The following CFAP299 variants were observed in gnomAD, a reference collection of about 807,000 sequenced individuals.
CFAP299 encodes the protein cilia and flagella associated protein 299, also known as cilia- and flagella-associated protein 299.
Under a neutral mutation model 27.0 loss-of-function variants are expected in CFAP299, and 21 were observed. That is an observed-to-expected ratio of 0.78 (90% CI 0.55 to 1.12). The LOEUF is 1.12. CFAP299 is among the 50% of genes most tolerant of loss of function. The pLI, the probability that CFAP299 is intolerant of heterozygous loss-of-function variation, is 0.00. For missense variants in CFAP299, 310 were observed against 276.6 expected, an observed-to-expected ratio of 1.12 and a Z score of -0.86; for synonymous variants, 104 against 98.1, an observed-to-expected ratio of 1.06 and a Z score of -0.36.
intron 3 of CFAP299, among the ~76,000 whole-genome samples, chr4:80,861,676 C>T (rs34960359): frequency 0.13 from 19,189 of 152,026 alleles, 1,394 homozygotes; most frequent in Middle Eastern, 0.25. Context: ...TTTTGTTCAA[C>T]GATGTAGTCT....
chr4:80,612,006 C>A (rs145529734), intron 3 of CFAP299, among the ~76,000 whole-genome samples: 4 of 151,982 alleles, frequency 2.6e-5, no homozygotes, highest in Non-Finnish European at 5.9e-5. Context: ...ATTCACAAAT[C>A]GTCGATGATG....
At chr4:80,824,371 G>C (rs1352984359) in intron 3 of CFAP299, among the ~76,000 whole-genome samples, 1 of 152,126 alleles carries the variant, frequency 6.6e-6, no homozygotes, top group Admixed American at 6.6e-5. Context: ...AGCAGCTAGA[G>C]TGGGCAAAAA....
chr4:80,447,119 G>GTTTTTTTTTTTTTGTT (rs71641487), intron 2 of CFAP299, among the ~76,000 whole-genome samples: 3 of 65,506 alleles, frequency 4.6e-5, no homozygotes, highest in African/African-American at 1.4e-4. Context: ...CTTTTTATTT[G>GTTTTTTTTTTTTTGTT]TTTTTTTTTT....
At chr4:80,940,109 T>G (rs1391855841) in intron 4 of CFAP299, among the ~76,000 whole-genome samples, 2 of 152,066 alleles carry the variant, frequency 1.3e-5, no homozygotes, top group Non-Finnish European at 2.9e-5. Context: ...TATTAGCCAG[T>G]AAGGGACACT....
At chr4:80,753,509 T>C (rs188211552) in intron 3 of CFAP299, among the ~76,000 whole-genome samples, 27 of 152,266 alleles carry the variant, frequency 1.8e-4, no homozygotes, top group African/African-American at 6.3e-4. Flanking sequence ...GTGCTCTGAG[T>C]TTCTTTGTGA....
At chr4:80,591,960 T>A (rs765413743) in intron 3 of CFAP299, among the ~76,000 whole-genome samples, 6 of 152,238 alleles carry the variant, frequency 3.9e-5, no homozygotes, top group African/African-American at 1.4e-4. Context: ...TTTTTACTAA[T>A]TCCATCCAGA....
intron 2 of CFAP299, among the ~76,000 whole-genome samples, chr4:80,568,169 T>C (rs759259055): frequency 2.1e-4 from 32 of 151,888 alleles, no homozygotes; most frequent in Non-Finnish European, 4.1e-4. Flanking sequence ...TCTGATCAAT[T>C]AATATTATAC....
intron 2 of CFAP299, among the ~76,000 whole-genome samples, chr4:80,564,044 TCTC>T (rs1348388504): frequency 2.6e-5 from 4 of 151,840 alleles, no homozygotes; most frequent in Non-Finnish European, 5.9e-5. Context: ...TAATAAAAAA[TCTC>T]CTAGTAAAGA....
At chr4:80,586,535 C>T (rs7688180) in intron 3 of CFAP299, among the ~76,000 whole-genome samples, 11,857 of 152,000 alleles carry the variant, frequency 0.078, 699 homozygotes, top group East Asian at 0.26. Context: ...GTTGTAGGAA[C>T]GACTGTCCAT....
intron 3 of CFAP299, among the ~76,000 whole-genome samples, chr4:80,739,949 G>A (rs1413620816): frequency 6.6e-6 from 1 of 151,962 alleles, no homozygotes; most frequent in Non-Finnish European, 1.5e-5. Context: ...TTAAAATACT[G>A]ATGCATTCTT....
At chr4:80,466,231 T>C (rs1433623135) in intron 2 of CFAP299, among the ~76,000 whole-genome samples, 1 of 152,186 alleles carries the variant, frequency 6.6e-6, no homozygotes, top group African/African-American at 2.4e-5. Flanking sequence ...ATGTAAAAAA[T>C]GGCATAAAGT....
At chr4:80,735,753 T>C (rs1723822350) in intron 3 of CFAP299, among the ~76,000 whole-genome samples, 1 of 152,184 alleles carries the variant, frequency 6.6e-6, no homozygotes, top group Non-Finnish European at 1.5e-5. Flanking sequence ...GATTTGCATA[T>C]GTTGAAGTAT....
intron 2 of CFAP299, among the ~76,000 whole-genome samples, chr4:80,477,562 G>T (rs1420810030): frequency 6.6e-6 from 1 of 152,080 alleles, no homozygotes; most frequent in East Asian, 1.9e-4. Context: ...TCACACCTTA[G>T]ATCTTGATTT....
At chr4:80,568,942 A>G (rs932834110) in intron 2 of CFAP299, among the ~76,000 whole-genome samples, 40 of 152,090 alleles carry the variant, frequency 2.6e-4, no homozygotes, top group Non-Finnish European at 3.7e-4. Context: ...TCAGTAAGTA[A>G]ATTGTAAAGC....
intron 3 of CFAP299, among the ~76,000 whole-genome samples, chr4:80,752,464 T>G (rs951474503): frequency 1.1e-4 from 16 of 147,842 alleles, no homozygotes; most frequent in Admixed American, 4.1e-4. Flanking sequence ...TAAAATACAA[T>G]ATATATATTT....
chr4:80,849,060 A>C (rs763677613), intron 3 of CFAP299, among the ~76,000 whole-genome samples: 3 of 152,208 alleles, frequency 2.0e-5, no homozygotes, highest in African/African-American at 4.8e-5. Context: ...GAAATTTCAA[A>C]TTTTTAAAAT....
chr4:80,882,584 G>A (rs1733762386), intron 4 of CFAP299, among the ~76,000 whole-genome samples: 1 of 151,724 alleles, frequency 6.6e-6, no homozygotes, highest in Non-Finnish European at 1.5e-5. Flanking sequence ...CTTGCAGTAA[G>A]CCGAGATAGC....
chr4:80,859,708 T>G (rs552461379), intron 3 of CFAP299, among the ~76,000 whole-genome samples: 16 of 152,314 alleles, frequency 1.1e-4, no homozygotes, highest in African/African-American at 3.4e-4. Flanking sequence ...GGTTGAAAAT[T>G]CTTTTCTTTA....
intron 2 of CFAP299, among the ~76,000 whole-genome samples, chr4:80,508,756 C>A (rs1732153079): frequency 1.3e-5 from 2 of 152,116 alleles, no homozygotes. Context: ...CCAGGTCCCA[C>A]CATAATGTCC....
Sources: allele counts gnomAD v4.1 joint callset (sites outside exome capture counted in the v4.1 genomes callset), GRCh38; gene constraint gnomAD v4.1.1; transcripts MANE v1.5; gene names NCBI Gene and HGNC (gene_info 2026-07-23, HGNC 2026-07-21).